Variants in IRAK2 observed in about 807,000 individuals in gnomAD.
IRAK2 encodes interleukin 1 receptor associated kinase 2, also known as interleukin-1 receptor-associated kinase-like 2.
Under a neutral mutation model 72.0 loss-of-function variants are expected in IRAK2, and 57 were observed. That is an observed-to-expected ratio of 0.79 (90% CI 0.64 to 0.99). The LOEUF (loss-of-function observed/expected upper bound fraction) is 0.99. Among genes scored for constraint, IRAK2 ranks in the 50% least tolerant of loss-of-function variants. The pLI is 0.00. For synonymous variants in IRAK2, 293 were observed against 312.7 expected, an observed-to-expected ratio of 0.94 and a Z score of 0.67; for missense variants, 790 against 794.4, an observed-to-expected ratio of 0.99 and a Z score of 0.07.
chr3:10,186,085 A>G (rs1228585924), intron 2 of IRAK2, among the ~76,000 whole-genome samples: 2 of 151,358 alleles, frequency 1.3e-5, no homozygotes, highest in Admixed American at 1.3e-4. Flanking sequence ...CAACAACAAC[A>G]ACAACAAAAC....
intron 10 of IRAK2, among the ~76,000 whole-genome samples, chr3:10,229,003 G>A (rs1219480800): frequency 1.3e-5 from 2 of 151,248 alleles, no homozygotes; most frequent in Non-Finnish European, 2.9e-5. Context: ...GCGTGATCTT[G>A]GCTCACTGCA....
rs565483183 is a variant in IRAK2 at position 10,213,986 on chromosome 3, T to G, written c.788+438T>G. ...CTCTGTCTCCCAGGCTGGAGTGCAG[T>G]GGCGTGATCTCGGCTCACTGCAATC... On this transcript the variant is annotated intron_variant, in intron 6 of 12. Coordinates refer to ENST00000256458, the MANE Select transcript of IRAK2 (RefSeq NM_001570.4). Among the ~76,000 whole-genome samples, 13 of 152,152 alleles carry G rather than the reference T, an allele frequency of 8.5e-5. No homozygotes were observed. In the East Asian group the frequency reaches 2.5e-3, roughly 29 times the overall value.
At chr3:10,191,018 G>C (rs1209629372) in intron 2 of IRAK2, among the ~76,000 whole-genome samples, 1 of 152,056 alleles carries the variant, frequency 6.6e-6, no homozygotes, top group African/African-American at 2.4e-5. Flanking sequence ...GGCTAGGCCG[G>C]GCGCGGTGGC....
intron 12 of IRAK2, 142 bp downstream of exon 12, chr3:10,239,181 A>G (rs1698014139): frequency 1.3e-6 from 1 of 748,736 alleles, no homozygotes; most frequent in Non-Finnish European, 2.1e-6. Flanking sequence ...TTCACAGAGA[A>G]ACCTGGGAGG....
At chr3:10,237,535 C>T (rs1048396671) in intron 11 of IRAK2, among the ~76,000 whole-genome samples, 1 of 151,976 alleles carries the variant, frequency 6.6e-6, no homozygotes, top group Admixed American at 6.6e-5. Context: ...TGGCCGGGTG[C>T]GGTGGCTCAC....
intron 1 of IRAK2, among the ~76,000 whole-genome samples, chr3:10,165,474 T>C (rs906335079): frequency 3.3e-5 from 5 of 152,082 alleles, no homozygotes; most frequent in Non-Finnish European, 7.3e-5. Flanking sequence ...TTTTAGTGTA[T>C]ATTAGAAGGA....
At chr3:10,239,433 G>A (rs1698017353) in intron 12 of IRAK2, among the ~76,000 whole-genome samples, 1 of 152,212 alleles carries the variant, frequency 6.6e-6, no homozygotes, top group Admixed American at 6.5e-5. Flanking sequence ...TGCCGGCCAG[G>A]CGAGGTGGCT....
intron 1 of IRAK2, among the ~76,000 whole-genome samples, chr3:10,176,965 G>A (rs1053229578): frequency 2.6e-5 from 4 of 151,564 alleles, no homozygotes; most frequent in Non-Finnish European, 5.9e-5. Context: ...ACCACGCCCG[G>A]CTAATTTTTC....
Position 10,198,026 on chromosome 3 carries a change from T to G in IRAK2, c.278-2343T>G, listed in dbSNP as rs370582607. ...CATCCTGGCTAACACAGTGAAACCCTGTCTCTACTAAAAATAGAAAAAATT... is the reference window on the plus strand; with the variant it reads ...CATCCTGGCTAACACAGTGAAACCCGGTCTCTACTAAAAATAGAAAAAATT... On this transcript the variant is annotated intron_variant, in intron 2 of 12. Transcript: ENST00000256458. 1.1e-3 allele frequency among the ~76,000 whole-genome samples: 162 copies of G among 150,972 alleles called. 1 individual carries two copies. Among genetic ancestry groups the G allele is most frequent in the African/African-American group, 3.9e-3 (159 of 41,082 alleles).
At chr3:10,230,563 G>C (rs1697844775) in intron 10 of IRAK2, among the ~76,000 whole-genome samples, 1 of 152,004 alleles carries the variant, frequency 6.6e-6, no homozygotes, top group Non-Finnish European at 1.5e-5. Flanking sequence ...AACAATATAT[G>C]TTAACTATTA....
At chr3:10,185,016 C>T (rs1575960041) in intron 2 of IRAK2, among the ~76,000 whole-genome samples, 2 of 150,756 alleles carry the variant, frequency 1.3e-5, no homozygotes, top group South Asian at 2.1e-4. Context: ...CAGGCGTGAG[C>T]CCCTGCGCCG....
intron 4 of IRAK2, among the ~76,000 whole-genome samples, chr3:10,211,333 G>A (rs1697518018): frequency 1.3e-5 from 2 of 150,916 alleles, no homozygotes; most frequent in Admixed American, 6.6e-5. Context: ...GTAGAGACAC[G>A]GTTTCACCAT....
At position 10,222,678 on chromosome 3, in the gene IRAK2, T is replaced by C. The variant is rs774838270; in HGVS notation, c.1056T>C (p.Ala352=). ...LLDQNLTPKL[A]HPMAHLCPVN... ...ACCAAAATCTCACCCCCAAACTTGC[T>C]CACCCAATGGCTCATCTGTGTCCTG... is the stretch of plus-strand genomic sequence containing the variant. The change falls in exon 9 of 13, where the codon GCT becomes GCC. Residue 352 remains alanine, a synonymous_variant. Transcript: ENST00000256458. 1.2e-6 allele frequency: 2 copies of C among 1,614,158 alleles called. No homozygotes were observed. Among genetic ancestry groups the C allele is most frequent in the South Asian group, 2.2e-5 (2 of 91,082 alleles).
intron 6 of IRAK2, among the ~76,000 whole-genome samples, chr3:10,215,757 C>CAT (rs1360940219): frequency 1.3e-5 from 2 of 151,568 alleles, no homozygotes; most frequent in Non-Finnish European, 2.9e-5. Context: ...TGTGTACACA[C>CAT]ACACACACAC....
intron 2 of IRAK2, among the ~76,000 whole-genome samples, chr3:10,182,793 C>G (rs765658651): frequency 6.8e-6 from 1 of 147,992 alleles, no homozygotes; most frequent in Non-Finnish European, 1.5e-5. Context: ...TTTTTTGAGA[C>G]GGAGTCTCTT....
chr3:10,236,341 G>GTTTTTTTTTTTT (rs1338122281), intron 11 of IRAK2, among the ~76,000 whole-genome samples: 2 of 125,230 alleles, frequency 1.6e-5, no homozygotes, highest in African/African-American at 6.2e-5. Flanking sequence ...GAGCCACTAA[G>GTTTTTTTTTTTT]GTTTTTTTTT....
chr3:10,202,484 G>T lies in IRAK2; in HGVS notation c.424+1969G>T, dbSNP rs147248177. Among the ~76,000 whole-genome samples the T allele has an allele frequency of 8.1e-3, 1,240 of 152,194 alleles. 9 individuals carry two copies. Among genetic ancestry groups the T allele is most frequent in the Non-Finnish European group, 0.011 (753 of 67,994 alleles). On this transcript the variant is annotated intron_variant, in intron 3 of 12. Coordinates refer to ENST00000256458, the MANE Select transcript of IRAK2 (RefSeq NM_001570.4). ...TAAAAATACAAAAAATTGGCCGGGCGTGGTGGCGGGTACATGTAGTCCCAG... is the reference window on the plus strand; with the variant it reads ...TAAAAATACAAAAAATTGGCCGGGCTTGGTGGCGGGTACATGTAGTCCCAG...
At chr3:10,183,974 C>G (rs560829770) in intron 2 of IRAK2, among the ~76,000 whole-genome samples, 1 of 152,172 alleles carries the variant, frequency 6.6e-6, no homozygotes, top group Non-Finnish European at 1.5e-5. Context: ...CCAGGCTGCC[C>G]CGGGCTCAAG....
intron 3 of IRAK2, among the ~76,000 whole-genome samples, chr3:10,206,805 C>A (rs767771083): frequency 3.5e-4 from 53 of 152,114 alleles, no homozygotes; most frequent in Non-Finnish European, 1.0e-4. Flanking sequence ...ATCCACCTGC[C>A]TCAGCCTCCC....
Sources: gnomAD v4.1 joint callset for allele counts (sites outside exome capture counted in the v4.1 genomes callset) on GRCh38, gnomAD v4.1.1 for gene constraint, MANE v1.5 for transcripts, NCBI Gene and HGNC (gene_info 2026-07-23, HGNC 2026-07-21) for gene names.